Variants in MDGA2 observed in about 807,000 individuals in gnomAD.
The protein encoded by MDGA2 is MAM domain containing glycosylphosphatidylinositol anchor 2, also known as MAM domain-containing glycosylphosphatidylinositol anchor protein 2.
Under a neutral mutation model 117.8 loss-of-function variants are expected in MDGA2, and 40 were observed. The ratio of observed to expected loss-of-function variants is 0.34; its 90% CI spans 0.26 to 0.44. The LOEUF is 0.44. MDGA2 is among the 20% of genes least tolerant of loss of function. The probability of loss-of-function intolerance (pLI) is 1.00; values close to 1 mark genes in which losing one functional copy is unlikely to be tolerated. For synonymous variants in MDGA2, 452 were observed against 439.0 expected, an observed-to-expected ratio of 1.03 and a Z score of -0.37; for missense variants, 1,123 against 1,250.6, an observed-to-expected ratio of 0.90 and a Z score of 1.54.
intron 1 of MDGA2, among the ~76,000 whole-genome samples, chr14:47,610,813 C>T (rs2138903610): frequency 6.6e-6 from 1 of 152,112 alleles, no homozygotes; most frequent in Non-Finnish European, 1.5e-5. Context: ...AATGCAATCC[C>T]CATCAAAATA....
intron 1 of MDGA2, among the ~76,000 whole-genome samples, chr14:47,609,794 A>T (rs1896815558): frequency 6.6e-6 from 1 of 151,880 alleles, no homozygotes; most frequent in Admixed American, 6.6e-5. Flanking sequence ...ACATTCAATG[A>T]AGAATTGCTA....
chr14:47,538,021 C>G (rs1367570192), intron 1 of MDGA2, among the ~76,000 whole-genome samples: 1 of 152,190 alleles, frequency 6.6e-6, no homozygotes, highest in Non-Finnish European at 1.5e-5. Flanking sequence ...TCTACCAGCA[C>G]TGATGTTTAA....
At chr14:47,426,185 G>A (rs1196186506) in intron 1 of MDGA2, among the ~76,000 whole-genome samples, 1 of 152,170 alleles carries the variant, frequency 6.6e-6, no homozygotes, top group East Asian at 1.9e-4. Flanking sequence ...ATTTGCTAGA[G>A]GATATCACAT....
Position 46,840,261 on chromosome 14 carries a change from T to G in MDGA2, c.*1670A>C. 1 of 152,644 alleles carries G rather than the reference T, an allele frequency of 6.6e-6. No individual in the cohort carries two copies. The highest frequency in any genetic ancestry group is 1.9e-4 in the East Asian group (1 of 5,182). The allele number at this position is 152,644 out of a possible 1,614,324, so 9.5% of individuals were successfully genotyped here. A position where few individuals can be genotyped will look rare whatever the true frequency, so the allele number is the denominator to read the frequency against. ...ATTAATATTTGCAAATGCTATAATT[T>G]AATACTTATATTCCAATTGCTTGCA... is the stretch of plus-strand genomic sequence containing the variant. On this transcript the variant is annotated 3_prime_UTR_variant, in exon 17 of 17. Coordinates refer to ENST00000399232, the MANE Select transcript of MDGA2 (RefSeq NM_001113498.3).
chr14:47,312,693 G>GTTTTTTT (rs375332903), intron 1 of MDGA2, among the ~76,000 whole-genome samples: 1,193 of 104,194 alleles, frequency 0.011, 19 homozygotes, highest in East Asian at 0.015. Context: ...TTTTTGTTTT[G>GTTTTTTT]TTTTGTTTTT....
chr14:46,939,516 T>C (rs142804551), intron 9 of MDGA2, among the ~76,000 whole-genome samples: 1 of 152,198 alleles, frequency 6.6e-6, no homozygotes, highest in Non-Finnish European at 1.5e-5. Context: ...TAGAAAATAC[T>C]AAAAATAGCA....
At chr14:47,540,536 G>GTGTATGTA (rs1175396105) in intron 1 of MDGA2, among the ~76,000 whole-genome samples, 30 of 71,122 alleles carry the variant, frequency 4.2e-4, no homozygotes, top group African/African-American at 1.1e-3. Flanking sequence ...GTGTGTGTGT[G>GTGTATGTA]TGTGTATATA....
chr14:47,258,114 A>G (rs1272550574), intron 2 of MDGA2, among the ~76,000 whole-genome samples: 2 of 152,228 alleles, frequency 1.3e-5, no homozygotes, highest in Admixed American at 6.5e-5. Context: ...ATCATTTTCC[A>G]TGACACTTTT....
intron 10 of MDGA2, among the ~76,000 whole-genome samples, chr14:46,915,243 A>C (rs1278582751): frequency 1.3e-5 from 2 of 152,170 alleles, no homozygotes; most frequent in African/African-American, 4.8e-5. Context: ...TTGTGTCCTA[A>C]GATAATATTG....
At chr14:47,595,294 G>T (rs1896516902) in intron 1 of MDGA2, among the ~76,000 whole-genome samples, 2 of 151,868 alleles carry the variant, frequency 1.3e-5, no homozygotes, top group South Asian at 4.2e-4. Context: ...CAGCCCTTTG[G>T]GAGGCCAAGG....
intron 2 of MDGA2, among the ~76,000 whole-genome samples, chr14:47,234,828 G>T (rs1886806939): frequency 6.6e-6 from 1 of 152,040 alleles, no homozygotes; most frequent in Non-Finnish European, 1.5e-5. Context: ...TTATAAAAAT[G>T]TATTTTTATC....
chr14:47,163,641 G>C (rs1165753637), intron 3 of MDGA2, among the ~76,000 whole-genome samples: 1 of 152,164 alleles, frequency 6.6e-6, no homozygotes, highest in Non-Finnish European at 1.5e-5. Flanking sequence ...AAATTGCCCT[G>C]TCTCTGGTAT....
chr14:47,339,441 T>C (rs1178047318), intron 1 of MDGA2, among the ~76,000 whole-genome samples: 1 of 152,106 alleles, frequency 6.6e-6, no homozygotes, highest in Non-Finnish European at 1.5e-5. Flanking sequence ...GGTGGTATTG[T>C]GGTCAGTGAG....
chr14:47,294,618 A>G (rs944981764), intron 2 of MDGA2, among the ~76,000 whole-genome samples: 1 of 152,172 alleles, frequency 6.6e-6, no homozygotes, highest in Non-Finnish European at 1.5e-5. Flanking sequence ...ATATTTGATT[A>G]TAGTAGAACC....
At chr14:47,636,797 A>T (rs1897330549) in intron 1 of MDGA2, among the ~76,000 whole-genome samples, 2 of 144,156 alleles carry the variant, frequency 1.4e-5, no homozygotes, top group East Asian at 2.0e-4. Context: ...AAAAAAAAAA[A>T]AAAAAAAAAA....
intron 10 of MDGA2, among the ~76,000 whole-genome samples, chr14:46,916,999 G>GTT (rs34698811): frequency 1.5e-3 from 228 of 149,558 alleles, no homozygotes; most frequent in African/African-American, 3.4e-3. Flanking sequence ...CTAGAAATAT[G>GTT]TTTTTTTTTT....
At chr14:47,278,181 C>CA (rs1211489866) in intron 2 of MDGA2, among the ~76,000 whole-genome samples, 1 of 151,700 alleles carries the variant, frequency 6.6e-6, no homozygotes, top group Non-Finnish European at 1.5e-5. Context: ...AATGAACACA[C>CA]AAAAAAATCA....
chr14:47,067,938 A>G (rs1013695206), intron 6 of MDGA2, among the ~76,000 whole-genome samples: 12 of 152,150 alleles, frequency 7.9e-5, no homozygotes, highest in Admixed American at 3.3e-4. Flanking sequence ...ACTTCTCTGT[A>G]TCTAACAACT....
chr14:47,558,428 C>A (rs1408028282), intron 1 of MDGA2, among the ~76,000 whole-genome samples: 1 of 152,166 alleles, frequency 6.6e-6, no homozygotes, highest in Non-Finnish European at 1.5e-5. Context: ...GACTGACTCA[C>A]TCTGCAGTTT....
Sources: allele counts gnomAD v4.1 joint callset (sites outside exome capture counted in the v4.1 genomes callset), GRCh38; gene constraint gnomAD v4.1.1; transcripts MANE v1.5; gene names NCBI Gene and HGNC (gene_info 2026-07-23, HGNC 2026-07-21).